MTMR7: variants seen among roughly 807,000 people sequenced by gnomAD.
The protein encoded by MTMR7 is myotubularin related protein 7.
Under a neutral mutation model 81.2 loss-of-function variants are expected in MTMR7, and 76 were observed. That is an observed-to-expected ratio of 0.94 (90% confidence interval 0.78 to 1.13). The LOEUF (loss-of-function observed/expected upper bound fraction) is 1.13, where lower values mean the gene tolerates loss of function less well. Ranked by LOEUF, MTMR7 falls within the 50% of genes most tolerant of loss-of-function variation. The pLI is 0.00. For missense variants in MTMR7, 1,044 were observed against 820.0 expected, an observed-to-expected ratio of 1.27 and a Z score of -3.34; for synonymous variants, 372 against 289.8, an observed-to-expected ratio of 1.28 and a Z score of -2.88.
chr8:17,399,351 AAAAG>A (rs1453342124), intron 1 of MTMR7, among the ~76,000 whole-genome samples: 1 of 152,218 alleles, frequency 6.6e-6, no homozygotes, highest in Non-Finnish European at 1.5e-5. Flanking sequence ...AACAATGTGA[AAAAG>A]AAATCAAGAA....
At chr8:17,341,721 G>A (rs1486711517) in intron 5 of MTMR7, among the ~76,000 whole-genome samples, 1 of 152,140 alleles carries the variant, frequency 6.6e-6, no homozygotes. Context: ...AAAATATTAG[G>A]AATGTGTAGA....
intron 1 of MTMR7, among the ~76,000 whole-genome samples, chr8:17,398,075 T>C (rs1821315634): frequency 6.6e-6 from 1 of 152,010 alleles, no homozygotes; most frequent in African/African-American, 2.4e-5. Context: ...TTCCAATAAA[T>C]ATGACAACAA....
At chr8:17,340,628 AG>A (rs1308361577) in intron 6 of MTMR7, among the ~76,000 whole-genome samples, 1 of 152,224 alleles carries the variant, frequency 6.6e-6, no homozygotes, top group African/African-American at 2.4e-5. Context: ...GCTGAGTGGG[AG>A]GTAAGTGTAA....
intron 7 of MTMR7, among the ~76,000 whole-genome samples, chr8:17,321,049 G>C (rs933063079): frequency 6.6e-6 from 1 of 152,076 alleles, no homozygotes; most frequent in African/African-American, 2.4e-5. Flanking sequence ...ATAGGGCTTA[G>C]GGCTAGTTAG....
intron 7 of MTMR7, among the ~76,000 whole-genome samples, chr8:17,320,587 A>G (rs1001002579): frequency 2.0e-5 from 3 of 152,142 alleles, no homozygotes; most frequent in African/African-American, 7.2e-5. Flanking sequence ...GTGCAATTCA[A>G]AAAGTCTTCC....
At chr8:17,366,297 T>C (rs1820222639) in intron 3 of MTMR7, among the ~76,000 whole-genome samples, 2 of 152,126 alleles carry the variant, frequency 1.3e-5, no homozygotes, top group African/African-American at 4.8e-5. Context: ...AGGTATCAAG[T>C]TAAAGGTTAT....
intron 1 of MTMR7, among the ~76,000 whole-genome samples, chr8:17,397,852 C>G (rs1821309052): frequency 6.6e-6 from 1 of 152,176 alleles, no homozygotes; most frequent in Non-Finnish European, 1.5e-5. Flanking sequence ...ACCCCACTCC[C>G]AGCTCCAGAT....
intron 1 of MTMR7, among the ~76,000 whole-genome samples, chr8:17,387,680 T>C (rs1269043366): frequency 6.6e-6 from 1 of 152,194 alleles, no homozygotes; most frequent in Admixed American, 6.5e-5. Flanking sequence ...GATACACACA[T>C]TTCTACAGAT....
chr8:17,338,764 G>A (rs978294500), intron 6 of MTMR7: 1 of 150,914 alleles, frequency 6.6e-6, no homozygotes, highest in Admixed American at 6.6e-5. Context: ...TTTTATCTGT[G>A]TGTCGTGCTC....
At chr8:17,326,133 C>T (rs1818665918) in intron 7 of MTMR7, among the ~76,000 whole-genome samples, 1 of 152,206 alleles carries the variant, frequency 6.6e-6, no homozygotes, top group Admixed American at 6.6e-5. Context: ...GGCCAGGGCA[C>T]CTTCCATTCC....
At chr8:17,354,431 T>C (rs1049645517) in intron 4 of MTMR7, among the ~76,000 whole-genome samples, 4 of 152,092 alleles carry the variant, frequency 2.6e-5, no homozygotes, top group African/African-American at 9.7e-5. Context: ...ATAAAGACAA[T>C]TTCAAGGGTT....
chr8:17,305,711 A>G, intron 11 of MTMR7, 46 bp downstream of exon 11: 1 of 1,518,560 alleles, frequency 6.6e-7, no homozygotes, highest in East Asian at 2.3e-5. Flanking sequence ...TCAGTCATCA[A>G]AATCTTTAAA....
intron 1 of MTMR7, among the ~76,000 whole-genome samples, chr8:17,410,888 T>C (rs1007694018): frequency 6.6e-6 from 1 of 152,168 alleles, no homozygotes; most frequent in East Asian, 1.9e-4. Flanking sequence ...ACCCACACAG[T>C]AAATATTGCT....
intron 3 of MTMR7, among the ~76,000 whole-genome samples, chr8:17,361,541 T>G (rs1008758339): frequency 2.0e-5 from 3 of 152,222 alleles, no homozygotes; most frequent in Non-Finnish European, 4.4e-5. Flanking sequence ...TTGTGCTTTT[T>G]TTGTTGTTGC....
chr8:17,387,189 G>A lies in MTMR7; in HGVS notation c.25-13949C>T, dbSNP rs531495724. Among the ~76,000 whole-genome samples the A allele has an allele frequency of 3.9e-5, 6 of 152,234 alleles. No homozygotes were observed. The South Asian group carries it at 1.2e-3, about 32-fold the overall frequency. Reference sequence around the variant, plus strand: ...CATCTATGCATGTGAAGATATCCCAGGTATTCCGATATCCCAGATATCCCA... The same window carrying A: ...CATCTATGCATGTGAAGATATCCCAAGTATTCCGATATCCCAGATATCCCA... On this transcript the variant is annotated intron_variant, in intron 1 of 13. Coordinates refer to ENST00000180173, the MANE Select transcript of MTMR7 (RefSeq NM_004686.5).
chr8:17,326,432 A>G (rs1361564823), intron 7 of MTMR7: 2 of 152,222 alleles, frequency 1.3e-5, no homozygotes, highest in African/African-American at 4.8e-5. Context: ...GGTTATAATG[A>G]TCCTTGCAGT....
At chr8:17,346,437 T>C (rs992567092) in intron 5 of MTMR7, among the ~76,000 whole-genome samples, 2 of 152,132 alleles carry the variant, frequency 1.3e-5, no homozygotes, top group Non-Finnish European at 2.9e-5. Context: ...ATGAATACTC[T>C]TAAGCTCTAA....
chr8:17,311,476 A>C, intron 9 of MTMR7, 35 bp downstream of exon 9: 2 of 1,613,616 alleles, frequency 1.2e-6, no homozygotes, highest in Non-Finnish European at 1.7e-6. Context: ...TGGTCAAGGC[A>C]CCGCCTGTGG....
At chr8:17,329,279 G>A (rs926756740) in intron 7 of MTMR7, among the ~76,000 whole-genome samples, 10 of 152,106 alleles carry the variant, frequency 6.6e-5, no homozygotes, top group African/African-American at 1.9e-4. Context: ...CCTCCGCAAT[G>A]GTTTATAATT....
Sources: allele counts gnomAD v4.1 joint callset (sites outside exome capture counted in the v4.1 genomes callset), GRCh38; gene constraint gnomAD v4.1.1; transcripts MANE v1.5; gene names NCBI Gene and HGNC (gene_info 2026-07-23, HGNC 2026-07-21).